Variants in ZNF385D observed in about 807,000 individuals in gnomAD.
ZNF385D encodes zinc finger protein 385D.
Under a neutral mutation model 35.8 loss-of-function variants are expected in ZNF385D, and 15 were observed. The ratio of observed to expected loss-of-function variants is 0.42; its 90% CI spans 0.28 to 0.64. The LOEUF (loss-of-function observed/expected upper bound fraction) is 0.64, where lower values mean the gene tolerates loss of function less well. Among genes scored for constraint, ZNF385D ranks in the 30% least tolerant of loss-of-function variants. The probability of loss-of-function intolerance (pLI) is 0.23; values close to 1 mark genes in which losing one functional copy is unlikely to be tolerated. For missense variants in ZNF385D, 474 were observed against 494.6 expected, an observed-to-expected ratio of 0.96 and a Z score of 0.39; for synonymous variants, 212 against 186.8, an observed-to-expected ratio of 1.13 and a Z score of -1.10.
chr3:21,614,939 A>G (rs2064802100), intron 2 of ZNF385D, among the ~76,000 whole-genome samples: 1 of 152,186 alleles, frequency 6.6e-6, no homozygotes, highest in African/African-American at 2.4e-5. Context: ...TAGAACTCAG[A>G]CACATGGCTG....
intron 3 of ZNF385D, among the ~76,000 whole-genome samples, chr3:21,925,049 A>G (rs896974612): frequency 3.9e-5 from 6 of 152,234 alleles, no homozygotes; most frequent in African/African-American, 1.4e-4. Context: ...CATGGTTTGG[A>G]AGAACACAGT....
chr3:21,759,271 C>G (rs543814754), intron 3 of ZNF385D, among the ~76,000 whole-genome samples: 41 of 151,988 alleles, frequency 2.7e-4, no homozygotes, highest in Non-Finnish European at 5.3e-4. Flanking sequence ...AATATTGACC[C>G]GGACTGATAT....
intron 2 of ZNF385D, among the ~76,000 whole-genome samples, chr3:22,171,483 C>T (rs1694421326): frequency 6.6e-6 from 1 of 151,936 alleles, no homozygotes; most frequent in Admixed American, 6.6e-5. Context: ...TACTAAGTTG[C>T]AAAAATGACA....
chr3:21,833,045 T>C (rs145089796), intron 3 of ZNF385D, among the ~76,000 whole-genome samples: 136 of 152,282 alleles, frequency 8.9e-4, no homozygotes, highest in African/African-American at 2.9e-3. Flanking sequence ...ATCATGACAC[T>C]TTCCACTCTC....
chr3:21,455,111 C>A (rs967061566), intron 4 of ZNF385D, among the ~76,000 whole-genome samples: 1 of 152,130 alleles, frequency 6.6e-6, no homozygotes, highest in East Asian at 1.9e-4. Context: ...GAAGAACATT[C>A]CACGCTCATG....
At chr3:21,613,937 A>G (rs2125795780) in intron 2 of ZNF385D, among the ~76,000 whole-genome samples, 2 of 152,350 alleles carry the variant, frequency 1.3e-5, no homozygotes, top group Admixed American at 1.3e-4. Flanking sequence ...GAATGACTCA[A>G]ACACAGATGG....
chr3:22,059,500 A>C (rs972518028), intron 3 of ZNF385D, among the ~76,000 whole-genome samples: 2 of 152,206 alleles, frequency 1.3e-5, no homozygotes, highest in Non-Finnish European at 2.9e-5. Flanking sequence ...GATGAGTGAC[A>C]GACGTATCTT....
intron 3 of ZNF385D, among the ~76,000 whole-genome samples, chr3:21,546,297 C>T (rs911546725): frequency 6.6e-6 from 1 of 152,066 alleles, no homozygotes; most frequent in Non-Finnish European, 1.5e-5. Context: ...TACTCTAGTT[C>T]TGAGCAATTA....
intron 1 of ZNF385D, among the ~76,000 whole-genome samples, chr3:21,745,916 A>G (rs2069746338): frequency 6.6e-6 from 1 of 152,232 alleles, no homozygotes; most frequent in Non-Finnish European, 1.5e-5. Flanking sequence ...CTTAAAAAGT[A>G]CTTTAATGTC....
At chr3:22,172,898 T>C (rs574574922) in intron 2 of ZNF385D, among the ~76,000 whole-genome samples, 1 of 152,280 alleles carries the variant, frequency 6.6e-6, no homozygotes, top group East Asian at 1.9e-4. Flanking sequence ...TAAGTATAGG[T>C]TATGCTTAGT....
chr3:21,981,347 G>A (rs1299276315), intron 3 of ZNF385D, among the ~76,000 whole-genome samples: 1 of 151,930 alleles, frequency 6.6e-6, no homozygotes, highest in Non-Finnish European at 1.5e-5. Flanking sequence ...CAATATGCTT[G>A]GATGGCTGCC....
At chr3:22,038,944 T>A (rs1698500046) in intron 3 of ZNF385D, among the ~76,000 whole-genome samples, 1 of 150,444 alleles carries the variant, frequency 6.6e-6, no homozygotes, top group Non-Finnish European at 1.5e-5. Flanking sequence ...ATAAATATGA[T>A]CAGGCATGAC....
At chr3:21,751,297 G>T (rs960163908), upstream of ZNF385D, 49 of 1,094,056 alleles carry the variant, frequency 4.5e-5, no homozygotes, top group Non-Finnish European at 5.2e-5. Flanking sequence ...CTGCCTGCCT[G>T]GACCAACCAT....
intron 2 of ZNF385D, among the ~76,000 whole-genome samples, chr3:21,658,898 G>T (rs1377148196): frequency 6.6e-6 from 1 of 151,942 alleles, no homozygotes; most frequent in South Asian, 2.1e-4. Context: ...AGAGGTACCT[G>T]CCAGTGTAGA....
In ZNF385D at chr3:22,301,374, T is replaced by C. The variant is rs186718575; in HGVS notation, c.106+71076A>G. On this transcript the variant is annotated intron_variant, in intron 2 of 5. Coordinates refer to the ZNF385D transcript ENST00000494108. ...AGTCCATTTCACAAGATGGTGACTA[T>C]AGTTAATAACAATGTATTGTATTCT... 1.9e-3 allele frequency among the ~76,000 whole-genome samples: 294 copies of C among 152,166 alleles called. 3 individuals are homozygous for C. The highest frequency in any genetic ancestry group is 5.7e-3 in the African/African-American group (238 of 41,552).
chr3:22,200,774 A>G (rs1031389853), intron 2 of ZNF385D, among the ~76,000 whole-genome samples: 5 of 152,046 alleles, frequency 3.3e-5, no homozygotes, highest in Non-Finnish European at 2.9e-5. Flanking sequence ...CCAGGCGCCT[A>G]TTCTCTTTCC....
chr3:21,455,703 C>A (rs1435641639), intron 4 of ZNF385D, among the ~76,000 whole-genome samples: 1 of 152,046 alleles, frequency 6.6e-6, no homozygotes, highest in Non-Finnish European at 1.5e-5. Flanking sequence ...TCTAAAACAC[C>A]AAAAGCAATG....
chr3:22,282,795 A>G (rs116343753), intron 2 of ZNF385D, among the ~76,000 whole-genome samples: 395 of 152,244 alleles, frequency 2.6e-3, no homozygotes, highest in Non-Finnish European at 4.7e-3. Context: ...AACACAAGGT[A>G]TTCAACAAAT....
chr3:22,075,189 G>C lies in ZNF385D; in HGVS notation c.325+93628C>G, dbSNP rs534917787. On this transcript the variant is annotated intron_variant, in intron 3 of 5. Coordinates refer to the ZNF385D transcript ENST00000494108. ...GATACCAGAGTTGAGACCACTTATGGGTAATAGCCTTTCTCCTATGTTTTT... is the reference window on the plus strand; with the variant it reads ...GATACCAGAGTTGAGACCACTTATGCGTAATAGCCTTTCTCCTATGTTTTT... Among the ~76,000 whole-genome samples, 24 of 151,912 alleles carry C rather than the reference G, an allele frequency of 1.6e-4. No individual in the cohort carries two copies. In the South Asian group the frequency reaches 4.2e-3, roughly 26 times the overall value.
Sources: allele counts gnomAD v4.1 joint callset (sites outside exome capture counted in the v4.1 genomes callset), GRCh38; gene constraint gnomAD v4.1.1; transcripts MANE v1.5; gene names NCBI Gene and HGNC (gene_info 2026-07-23, HGNC 2026-07-21).